PLXNA1: variants seen among roughly 807,000 people sequenced by gnomAD.
The protein encoded by PLXNA1 is plexin-A1.
A neutral mutation model predicts 191.7 loss-of-function variants in PLXNA1; 77 were observed. The observed-to-expected ratio is 0.40, with a 90% CI of 0.33 to 0.49. The LOEUF (loss-of-function observed/expected upper bound fraction) is 0.49, where lower values mean the gene tolerates loss of function less well. PLXNA1 is among the 20% of genes least tolerant of loss of function. The pLI is 0.63. For synonymous variants in PLXNA1, 1,137 were observed against 1,156.4 expected (o/e 0.98, Z 0.34); for missense variants, 2,110 against 2,660.2 (o/e 0.79, Z 4.55).
intron 25 of PLXNA1, chr3:127,028,707 G>T: frequency 1.8e-6 from 1 of 543,500 alleles, no homozygotes; most frequent in Non-Finnish European, 3.3e-6. Flanking sequence ...TGGAGAGGCT[G>T]GGTCCCCACA....
chr3:127,028,688 A>C, intron 25 of PLXNA1: 2 of 532,886 alleles, frequency 3.8e-6, no homozygotes, highest in East Asian at 6.4e-5. Flanking sequence ...GTCCTGCTGC[A>C]GATGTGACTG....
At chr3:127,023,806 G>A (rs2079164163) in intron 23 of PLXNA1, among the ~76,000 whole-genome samples, 2 of 152,176 alleles carry the variant, frequency 1.3e-5, no homozygotes, top group South Asian at 4.1e-4. Flanking sequence ...GCAGGGCCGA[G>A]CAGGGAGGGT....
At position 127,018,638 on chromosome 3, in the gene PLXNA1, A is replaced by T. The variant is rs374193592; in HGVS notation, c.3895+110A>T. On this transcript the variant is annotated intron_variant, in intron 20 of 31. Transcript: ENST00000393409. ...CCCCCACCCTGCTTCAGCTCAGTTTACAATGTTCCTGATAGCCTTGCTGTG... is the reference window on the plus strand; with the variant it reads ...CCCCCACCCTGCTTCAGCTCAGTTTTCAATGTTCCTGATAGCCTTGCTGTG... The T allele has an allele frequency of 5.3e-5, 45 of 845,724 alleles. No homozygotes were observed. In the African/African-American group the frequency reaches 7.2e-4, roughly 14 times the overall value. The allele number at this position is 845,724 out of a possible 1,614,324, so 52.4% of individuals were successfully genotyped here.
intron 3 of PLXNA1, among the ~76,000 whole-genome samples, chr3:127,002,352 T>C (rs2079045204): frequency 6.6e-6 from 1 of 152,190 alleles, no homozygotes; most frequent in Non-Finnish European, 1.5e-5. Context: ...GCCGACAGCC[T>C]CTTTGGCTCA....
At chr3:127,022,985 C>T (rs946760504) in intron 23 of PLXNA1, among the ~76,000 whole-genome samples, 167 bp downstream of exon 23, 1 of 152,224 alleles carries the variant, frequency 6.6e-6, no homozygotes, top group Admixed American at 6.5e-5. Context: ...GCTCTCAGCT[C>T]CTGGCTCCCG....
chr3:126,985,604 A>G (rs2078954745), intron 1 of PLXNA1, among the ~76,000 whole-genome samples: 2 of 151,910 alleles, frequency 1.3e-5, no homozygotes, highest in Admixed American at 1.3e-4. Context: ...TCCTCGGTAG[A>G]GTGCAGCATC....
intron 3 of PLXNA1, among the ~76,000 whole-genome samples, chr3:126,992,988 A>G (rs946364160): frequency 5.3e-5 from 8 of 152,118 alleles, no homozygotes; most frequent in African/African-American, 1.9e-4. Context: ...GCAGCAGCTT[A>G]GAGACATTTT....
At chr3:126,987,682 G>A (rs115813905) in intron 1 of PLXNA1, among the ~76,000 whole-genome samples, 4,010 of 152,290 alleles carry the variant, frequency 0.026, 82 homozygotes, top group Middle Eastern at 0.041. Context: ...CCTTGGAGTT[G>A]GGTGTGAGGC....
At chr3:127,007,721 G>T (rs2079075594) in intron 8 of PLXNA1, 78 bp from the exon 9 acceptor site, 1 of 855,512 alleles carries the variant, frequency 1.2e-6, no homozygotes. Context: ...AGCAGGGGCG[G>T]CACAGTGTCC....
At chr3:127,004,481 C>G (rs2079055692) in intron 4 of PLXNA1, 130 bp from the exon 5 acceptor site, 1 of 715,798 alleles carries the variant, frequency 1.4e-6, no homozygotes, top group East Asian at 2.7e-5. Flanking sequence ...CCAGATCTGC[C>G]TTTGAATAGA....
chr3:127,012,354 A>G (rs935603069), intron 10 of PLXNA1, among the ~76,000 whole-genome samples, 196 bp downstream of exon 10: 2 of 152,226 alleles, frequency 1.3e-5, no homozygotes, highest in African/African-American at 4.8e-5. Context: ...CATGTAGGCA[A>G]GTGGGCTGCA....
chr3:127,014,859 T>A (rs778099066), intron 14 of PLXNA1, 28 bp downstream of exon 14: 15 of 1,605,088 alleles, frequency 9.3e-6, no homozygotes, highest in African/African-American at 1.3e-5. Flanking sequence ...CCTCTCTCCC[T>A]ATTCTCTGCT....
At chr3:127,024,264 C>A (rs1158640173) in intron 23 of PLXNA1, among the ~76,000 whole-genome samples, 7 of 152,144 alleles carry the variant, frequency 4.6e-5, no homozygotes, top group Non-Finnish European at 5.9e-5. Context: ...GGTGTGGATT[C>A]TCTTTCATGC....
chr3:126,985,489 G>A (rs9832409), intron 1 of PLXNA1, among the ~76,000 whole-genome samples: 61,206 of 149,280 alleles, frequency 0.41, 14,241 homozygotes, highest in African/African-American at 0.64. Context: ...TGCTCCTCCT[G>A]TTCTGCCCCC....
intron 4 of PLXNA1, 102 bp from the exon 5 acceptor site, chr3:127,004,509 G>C (rs373735761): frequency 1.4e-5 from 11 of 812,908 alleles, no homozygotes; most frequent in Non-Finnish European, 2.3e-5. Flanking sequence ...CAAGTGCAGG[G>C]CCTCCCCGGG....
chr3:127,002,930 A>T (rs377660774), intron 3 of PLXNA1, among the ~76,000 whole-genome samples: 24 of 151,940 alleles, frequency 1.6e-4, no homozygotes, highest in African/African-American at 5.6e-4. Context: ...CCCGACAACC[A>T]ACATCCCTCC....
Position 126,988,652 on chromosome 3 carries a change from T to C in PLXNA1, c.59T>C (p.Leu20Pro), listed in dbSNP as rs575182895. 18 of 1,579,176 alleles carry C rather than the reference T, an allele frequency of 1.1e-5. No individual in the cohort carries two copies. The South Asian group carries it at 1.9e-4, about 17-fold the overall frequency. ...CTGCTGCTGCTGCTGTTGCTGCTGC[T>C]GCTGCCGGGCATGTGGGCTGAGGCA... ...VLLLLLLLLL[L>P]LPGMWAEAGL... Residue 20 changes from leucine (L) to proline (P), a missense_variant, in exon 2 of 32, where the codon CTG (leucine) becomes CCG (proline). Around this residue, in one of 4 missense-constraint regions of PLXNA1, gnomAD observed 903 missense variants for 1,015.7 expected, o/e 0.89. Coordinates refer to ENST00000393409, the MANE Select transcript of PLXNA1 (RefSeq NM_032242.4).
chr3:127,003,386 C>T lies in PLXNA1; in HGVS notation c.1434C>T (p.Val478=), dbSNP rs142544342. The T allele has an allele frequency of 2.5e-5, 40 of 1,611,940 alleles. No homozygotes were observed. The highest frequency in any genetic ancestry group is 2.0e-5 in the Non-Finnish European group (24 of 1,179,450). ...GGCCTGCCCTGGCCTACGAGAGCGTCGTGGCCCAGGAGGGCAGCCCCATCC... is the reference window on the plus strand; with the variant it reads ...GGCCTGCCCTGGCCTACGAGAGCGTTGTGGCCCAGGAGGGCAGCCCCATCC... ...GGRPALAYES[V]VAQEGSPILR... The change falls in exon 4 of 32, where the codon GTC becomes GTT. Residue 478 remains valine, a synonymous_variant. Transcript: ENST00000393409.
intron 3 of PLXNA1, among the ~76,000 whole-genome samples, chr3:126,999,296 G>A (rs77652463): frequency 0.027 from 4,064 of 152,306 alleles, 81 homozygotes; most frequent in Middle Eastern, 0.041. Flanking sequence ...AGGCCTCCAC[G>A]TGTGGGCACC....
Sources: gnomAD v4.1 joint callset for allele counts (sites outside exome capture counted in the v4.1 genomes callset) on GRCh38, gnomAD v4.1.1 for gene constraint, gnomAD v4.1.1 regional missense constraint, MANE v1.5 for transcripts, NCBI Gene and HGNC (gene_info 2026-07-23, HGNC 2026-07-21) for gene names.